Variants in BRCA1 observed in about 807,000 individuals in gnomAD.
The protein encoded by BRCA1 is breast cancer type 1 susceptibility protein.
BRCA1 carries 140 observed loss-of-function variants against 173.7 expected under a neutral mutation model. The ratio of observed to expected loss-of-function variants is 0.81; its 90% confidence interval spans 0.70 to 0.93. The LOEUF is 0.93. BRCA1 is among the 40% of genes least tolerant of loss of function. The pLI is 0.00. For synonymous variants in BRCA1, 662 were observed against 756.0 expected, an observed-to-expected ratio of 0.88 and a Z score of 2.04; for missense variants, 1,983 against 2,172.5, an observed-to-expected ratio of 0.91 and a Z score of 1.73.
chr17:43,125,752 A>T (rs1049589988), upstream of BRCA1: 6 of 158,704 alleles, frequency 3.8e-5, no homozygotes, highest in Non-Finnish European at 1.4e-5. Flanking sequence ...TTCCGCCCTA[A>T]TGGAGGTCTC....
At chr17:43,124,712 C>CA (rs1165716976) in intron 1 of BRCA1, 1 of 172,268 alleles carries the variant, frequency 5.8e-6, no homozygotes, top group Non-Finnish European at 1.3e-5. Context: ...TCTTCTTCCA[C>CA]AAGGTCCCAT....
intron 20 of BRCA1, chr17:43,049,966 C>A (rs1236500327): frequency 5.0e-6 from 2 of 397,758 alleles, no homozygotes; most frequent in Non-Finnish European, 8.9e-6. Context: ...TTCCACTATA[C>A]CAAAGTAAAA....
intron 22 of BRCA1, among the ~76,000 whole-genome samples, chr17:43,046,498 A>G (rs2050922984): frequency 6.6e-6 from 1 of 151,770 alleles, no homozygotes; most frequent in South Asian, 2.1e-4. Context: ...CCTGGGTTCA[A>G]GCGATTCTCC....
At chr17:43,056,184 TTTTTTTC>T (rs2051447958) in intron 19 of BRCA1, among the ~76,000 whole-genome samples, 1 of 151,852 alleles carries the variant, frequency 6.6e-6, no homozygotes, top group Non-Finnish European at 1.5e-5. Flanking sequence ...CTTTTTTTTT[TTTTTTTC>T]TTTTGAGATC....
intron 2 of BRCA1, among the ~76,000 whole-genome samples, chr17:43,122,918 G>A (rs1340852025): frequency 4.6e-5 from 7 of 151,432 alleles, no homozygotes; most frequent in Admixed American, 6.6e-5. Context: ...TTAGCCGGGC[G>A]TGGTAGTGGG....
Position 43,079,330 on chromosome 17 carries a change from G to C in BRCA1, c.4358-2716C>G, listed in dbSNP as rs193146830. The C allele has an allele frequency of 6.9e-6, 11 of 1,590,332 alleles. No homozygotes were observed. In the East Asian group the frequency reaches 2.5e-4, roughly 35 times the overall value. The stretch of plus-strand genomic sequence containing the variant: ...ACGAACACAAAGGGAAAGAGGAGAG[G>C]CACCTGATATATGTTCTCTAGGCCT... On this transcript the variant is annotated intron_variant, in intron 12 of 22. Transcript: ENST00000357654.
intron 6 of BRCA1, among the ~76,000 whole-genome samples, chr17:43,100,535 T>TATA (rs2054339954): frequency 2.0e-5 from 1 of 50,186 alleles, no homozygotes. Context: ...TATATATATA[T>TATA]ACATATATAT....
At chr17:43,099,436 A>G (rs2054275050) in intron 7 of BRCA1, among the ~76,000 whole-genome samples, 1 of 151,036 alleles carries the variant, frequency 6.6e-6, no homozygotes, top group African/African-American at 2.4e-5. Context: ...ACACCTGGCT[A>G]ATTTTTTATT....
chr17:43,113,817 T>C (rs182603028), intron 3 of BRCA1, among the ~76,000 whole-genome samples: 140 of 152,232 alleles, frequency 9.2e-4, no homozygotes, highest in African/African-American at 3.3e-3. Flanking sequence ...GCGCGGTGGC[T>C]TACACCTGTA....
intron 1 of BRCA1, chr17:43,160,475 C>T (rs1299079866): frequency 2.6e-5 from 4 of 152,054 alleles, no homozygotes; most frequent in East Asian, 1.9e-4. Context: ...GGGGGCTGCA[C>T]GCACCAGTAA....
chr17:43,128,059 G>C (rs1216507958), upstream of BRCA1, among the ~76,000 whole-genome samples: 2 of 146,752 alleles, frequency 1.4e-5, no homozygotes, highest in Non-Finnish European at 3.0e-5. Flanking sequence ...AATGCAGGCT[G>C]CCTGAGCCAG....
At chr17:43,117,376 A>T (rs2055343520) in intron 2 of BRCA1, among the ~76,000 whole-genome samples, 1 of 152,156 alleles carries the variant, frequency 6.6e-6, no homozygotes, top group African/African-American at 2.4e-5. Flanking sequence ...CTGGAGGTGG[A>T]GGTTGCAGAG....
intron 1 of BRCA1, among the ~76,000 whole-genome samples, chr17:43,139,342 C>T (rs1486609353): frequency 1.3e-5 from 2 of 151,152 alleles, no homozygotes; most frequent in East Asian, 3.9e-4. Context: ...CACCCAGGCA[C>T]TAGGCCTAAT....
intron 3 of BRCA1, among the ~76,000 whole-genome samples, chr17:43,111,548 G>A (rs937801668): frequency 1.3e-5 from 2 of 149,268 alleles, no homozygotes; most frequent in African/African-American, 2.5e-5. Context: ...ACAGCCGGGC[G>A]TGGTGGCTCA....
At chr17:43,132,347 C>T (rs1181402091) in intron 1 of BRCA1, among the ~76,000 whole-genome samples, 1 of 152,114 alleles carries the variant, frequency 6.6e-6, no homozygotes, top group East Asian at 1.9e-4. Context: ...TAGCCCCATA[C>T]TCATTGGGTT....
chr17:43,104,391 ATT>A, intron 5 of BRCA1, 130 bp from the exon 6 acceptor site: 1 of 1,052,080 alleles, frequency 9.5e-7, no homozygotes, highest in Non-Finnish European at 1.3e-6. Flanking sequence ...GTTACCTGTG[ATT>A]TTTTTTAAAA....
At chr17:43,127,519 A>C (rs1174086541), upstream of BRCA1, among the ~76,000 whole-genome samples, 1 of 152,152 alleles carries the variant, frequency 6.6e-6, no homozygotes, top group East Asian at 1.9e-4. Context: ...TAAACGCACC[A>C]ATCAGTGCTC....
In BRCA1 at chr17:43,044,565, C is replaced by T. The variant is rs111791349; in HGVS notation, c.*1113G>A. ...CTCAAAGAAAGCAACAGCTTCCTTC[C>T]TGGTGGGATCTGTCATTTTATAGAT... On this transcript the variant is annotated 3_prime_UTR_variant, in exon 23 of 23. Transcript: ENST00000357654. 915 of 505,526 alleles carry T rather than the reference C, an allele frequency of 1.8e-3. 13 individuals are homozygous for T. Among genetic ancestry groups the T allele is most frequent in the African/African-American group, 0.015 (797 of 52,232 alleles). The allele number at this position is 505,526 out of a possible 1,614,324, so 31.3% of individuals were successfully genotyped here.
chr17:43,098,115 C>T (rs2054215222), intron 7 of BRCA1, among the ~76,000 whole-genome samples: 2 of 150,074 alleles, frequency 1.3e-5, no homozygotes, highest in Non-Finnish European at 2.9e-5. Flanking sequence ...GCCTCAAACT[C>T]CTGGGTTCAA....
Sources: allele counts gnomAD v4.1 joint callset (sites outside exome capture counted in the v4.1 genomes callset), GRCh38; gene constraint gnomAD v4.1.1; transcripts MANE v1.5; gene names NCBI Gene and HGNC (gene_info 2026-07-23, HGNC 2026-07-21).